ELMO1: variants seen among roughly 807,000 people sequenced by gnomAD.
ELMO1 encodes engulfment and cell motility protein 1.
Under a neutral mutation model 98.9 loss-of-function variants are expected in ELMO1, and 26 were observed. The ratio of observed to expected loss-of-function variants is 0.26; its 90% confidence interval spans 0.19 to 0.36. ELMO1 has a LOEUF of 0.36. Ranked by LOEUF, ELMO1 falls within the 10% of genes least tolerant of loss-of-function variation. ELMO1 has a pLI of 1.00. For synonymous variants in ELMO1, 346 were observed against 346.0 expected (o/e 1.00, Z 0.00); for missense variants, 627 against 935.2 (o/e 0.67, Z 4.30).
intron 13 of ELMO1, among the ~76,000 whole-genome samples, chr7:37,202,690 T>C (rs1213078529): frequency 2.6e-5 from 4 of 152,246 alleles, no homozygotes; most frequent in African/African-American, 9.7e-5. Flanking sequence ...GAATGATCTG[T>C]AGAAATTATT....
At chr7:37,170,542 GAACT>G (rs1357669142) in intron 13 of ELMO1, among the ~76,000 whole-genome samples, 2 of 151,030 alleles carry the variant, frequency 1.3e-5, no homozygotes, top group African/African-American at 2.4e-5. Flanking sequence ...CAGCATTAGT[GAACT>G]AACTTACTCT....
At chr7:36,943,697 G>T (rs145476228) in intron 16 of ELMO1, among the ~76,000 whole-genome samples, 4 of 152,334 alleles carry the variant, frequency 2.6e-5, no homozygotes, top group Admixed American at 2.6e-4. Context: ...CCTTACTCAA[G>T]AAACATGTAT....
At chr7:37,274,165 G>C (rs1584903842) in intron 4 of ELMO1, among the ~76,000 whole-genome samples, 1 of 152,142 alleles carries the variant, frequency 6.6e-6, no homozygotes, top group African/African-American at 2.4e-5. Flanking sequence ...ATAGGAGCTG[G>C]GGAAATGAAT....
At position 37,075,948 on chromosome 7, in the gene ELMO1, T is replaced by G. The variant is rs541251738; in HGVS notation, c.1300+20671A>C. ...CTCTGTTGAGTAAGTAATTTCAAGG[T>G]GAATTGCCTTATAATGGGGTGGGGG... On this transcript the variant is annotated intron_variant, in intron 15 of 21. Coordinates refer to ENST00000310758, the MANE Select transcript of ELMO1 (RefSeq NM_014800.11). Among the ~76,000 whole-genome samples, 3 of 152,256 alleles carry G rather than the reference T, an allele frequency of 2.0e-5. No individual in the cohort carries two copies. In the East Asian group the frequency reaches 5.8e-4, roughly 29 times the overall value.
chr7:37,282,456 T>C (rs1797188200), intron 4 of ELMO1, among the ~76,000 whole-genome samples: 2 of 152,256 alleles, frequency 1.3e-5, no homozygotes, highest in Non-Finnish European at 2.9e-5. Context: ...CAACTGTGTG[T>C]CCATTTTTTT....
chr7:36,890,789 C>T (rs1805484218), intron 17 of ELMO1, among the ~76,000 whole-genome samples: 1 of 152,200 alleles, frequency 6.6e-6, no homozygotes, highest in Non-Finnish European at 1.5e-5. Context: ...CACATCACAT[C>T]ATTCCTTTGC....
intron 13 of ELMO1, among the ~76,000 whole-genome samples, chr7:37,154,230 A>T (rs1275688066): frequency 1.3e-5 from 2 of 152,232 alleles, no homozygotes; most frequent in Non-Finnish European, 2.9e-5. Context: ...AAAGGCTGAA[A>T]ATTCCAAAAA....
intron 13 of ELMO1, among the ~76,000 whole-genome samples, chr7:37,151,368 G>A (rs750166445): frequency 8.5e-5 from 13 of 152,162 alleles, no homozygotes; most frequent in South Asian, 2.1e-4. Context: ...GTATGAGGAC[G>A]GCTTCAGCAC....
At chr7:37,129,514 G>A (rs2129296154) in intron 14 of ELMO1, among the ~76,000 whole-genome samples, 1 of 152,284 alleles carries the variant, frequency 6.6e-6, no homozygotes. Flanking sequence ...CCAAATGCCT[G>A]CCCCTTCACA....
chr7:37,027,772 A>G (rs1794662697), intron 15 of ELMO1, among the ~76,000 whole-genome samples: 1 of 152,036 alleles, frequency 6.6e-6, no homozygotes, highest in Admixed American at 6.6e-5. Flanking sequence ...CCCAAGAAGC[A>G]TATCCTCCAG....
chr7:37,114,995 T>A (rs1785490503), intron 14 of ELMO1, among the ~76,000 whole-genome samples: 1 of 152,082 alleles, frequency 6.6e-6, no homozygotes, highest in Non-Finnish European at 1.5e-5. Flanking sequence ...AATCTGATAA[T>A]GTAAATGAAA....
At chr7:36,955,671 G>T (rs1223253617) in intron 16 of ELMO1, among the ~76,000 whole-genome samples, 1 of 152,130 alleles carries the variant, frequency 6.6e-6, no homozygotes, top group African/African-American at 2.4e-5. Context: ...CCATATGTAA[G>T]GATCCAAATC....
chr7:37,101,855 G>T (rs776617366), intron 14 of ELMO1, among the ~76,000 whole-genome samples: 1 of 152,004 alleles, frequency 6.6e-6, no homozygotes, highest in African/African-American at 2.4e-5. Flanking sequence ...TATCACAACC[G>T]CAGAAAACAA....
intron 16 of ELMO1, among the ~76,000 whole-genome samples, chr7:36,998,476 T>A (rs1310038366): frequency 6.6e-6 from 1 of 152,232 alleles, no homozygotes; most frequent in African/African-American, 2.4e-5. Flanking sequence ...TTCTTCCACG[T>A]ATATTCAATG....
intron 1 of ELMO1, among the ~76,000 whole-genome samples, chr7:37,361,833 C>T (rs991468124): frequency 6.6e-6 from 1 of 152,090 alleles, no homozygotes; most frequent in South Asian, 2.1e-4. Context: ...TGGTAGCACG[C>T]ACCTGTAAGT....
At chr7:37,233,399 G>A (rs570626660) in intron 7 of ELMO1, among the ~76,000 whole-genome samples, 6 of 152,274 alleles carry the variant, frequency 3.9e-5, no homozygotes, top group African/African-American at 1.2e-4. Context: ...CGGCCTTGAT[G>A]AGGTCAACCA....
intron 14 of ELMO1, among the ~76,000 whole-genome samples, chr7:37,115,710 C>T (rs1028151314): frequency 6.6e-6 from 1 of 151,684 alleles, no homozygotes; most frequent in South Asian, 2.1e-4. Context: ...GCTCCTATCA[C>T]CCCTATGTAA....
intron 15 of ELMO1, among the ~76,000 whole-genome samples, chr7:37,016,710 C>T (rs1196822951): frequency 6.6e-6 from 1 of 152,172 alleles, no homozygotes; most frequent in African/African-American, 2.4e-5. Flanking sequence ...ACGCACCGGG[C>T]ACTGAATGAT....
chr7:37,167,963 CT>C (rs1187817365), intron 13 of ELMO1, among the ~76,000 whole-genome samples: 1 of 152,178 alleles, frequency 6.6e-6, no homozygotes, highest in African/African-American at 2.4e-5. Context: ...CTCCCCGTCA[CT>C]TTCAGGTACA....
Sources: gnomAD v4.1 joint callset for allele counts (sites outside exome capture counted in the v4.1 genomes callset) on GRCh38, gnomAD v4.1.1 for gene constraint, MANE v1.5 for transcripts, NCBI Gene and HGNC (gene_info 2026-07-23, HGNC 2026-07-21) for gene names.